The following SLC35F1 variants were observed in gnomAD, a reference collection of about 807,000 sequenced individuals.
SLC35F1 encodes chromosome 6 open reading frame 169.
Under a neutral mutation model 48.7 loss-of-function variants are expected in SLC35F1, and 14 were observed. The observed-to-expected ratio is 0.29, with a 90% CI of 0.19 to 0.45. SLC35F1 has a LOEUF of 0.45. SLC35F1 is among the 20% of genes least tolerant of loss of function. SLC35F1 has a pLI of 1.00. For missense variants in SLC35F1, 404 were observed against 500.0 expected (o/e 0.81, Z 1.83); for synonymous variants, 190 against 202.2 (o/e 0.94, Z 0.51).
intron 1 of SLC35F1, among the ~76,000 whole-genome samples, chr6:118,099,760 G>A (rs1049389853): frequency 2.0e-5 from 3 of 152,132 alleles, no homozygotes; most frequent in African/African-American, 7.2e-5. Context: ...ATCCTGCATT[G>A]GGAGAAAATG....
intron 1 of SLC35F1, among the ~76,000 whole-genome samples, chr6:117,923,259 A>C (rs1247541377): frequency 6.6e-6 from 1 of 152,034 alleles, no homozygotes; most frequent in African/African-American, 2.4e-5. Context: ...ACCTCAGAAT[A>C]AAACTACAGC....
Position 118,226,759 on chromosome 6 carries a change from T to A in SLC35F1, c.350-8750T>A, listed in dbSNP as rs567476572. 5.9e-5 allele frequency among the ~76,000 whole-genome samples: 9 copies of A among 152,232 alleles called. No homozygotes were observed. The South Asian group carries it at 1.9e-3, about 32-fold the overall frequency. On this transcript the variant is annotated intron_variant, in intron 2 of 7. Transcript: ENST00000360388. ...TGAGGTTAATTAATGGGTACAAATA[T>A]ATACTTAAGACCTGTTGTTTGATAG...
At chr6:117,939,777 T>G (rs1776206279) in intron 1 of SLC35F1, among the ~76,000 whole-genome samples, 1 of 152,222 alleles carries the variant, frequency 6.6e-6, no homozygotes, top group Admixed American at 6.5e-5. Flanking sequence ...TTTGTTAAAT[T>G]AGGAGAGTTC....
intron 1 of SLC35F1, among the ~76,000 whole-genome samples, chr6:117,980,462 A>G (rs1776762266): frequency 6.6e-6 from 1 of 152,220 alleles, no homozygotes; most frequent in Non-Finnish European, 1.5e-5. Context: ...AATTCAAAAT[A>G]CATTTCATTG....
At chr6:118,000,970 A>G (rs1015214210) in intron 1 of SLC35F1, among the ~76,000 whole-genome samples, 5 of 152,094 alleles carry the variant, frequency 3.3e-5, no homozygotes, top group African/African-American at 9.7e-5. Flanking sequence ...AAATGGAAGA[A>G]CATTCCATGC....
chr6:118,226,352 G>A (rs1417130396), intron 2 of SLC35F1, among the ~76,000 whole-genome samples: 2 of 152,158 alleles, frequency 1.3e-5, no homozygotes, highest in Non-Finnish European at 2.9e-5. Context: ...CAGCAATTCC[G>A]CTATTGAGTT....
At chr6:118,066,592 T>C (rs976318997) in intron 1 of SLC35F1, among the ~76,000 whole-genome samples, 1 of 152,178 alleles carries the variant, frequency 6.6e-6, no homozygotes, top group South Asian at 2.1e-4. Context: ...CCTGGGCTCT[T>C]GATCCAAGGA....
At chr6:118,244,437 G>A (rs1001853390) in intron 3 of SLC35F1, among the ~76,000 whole-genome samples, 6 of 152,230 alleles carry the variant, frequency 3.9e-5, no homozygotes, top group African/African-American at 1.4e-4. Context: ...GGGCAATTTT[G>A]CAGTCATATT....
intron 1 of SLC35F1, among the ~76,000 whole-genome samples, chr6:117,959,647 G>T (rs761655166): frequency 6.6e-6 from 1 of 152,144 alleles, no homozygotes; most frequent in Admixed American, 6.5e-5. Context: ...CTTTTTGGAT[G>T]AATAATGTGT....
intron 1 of SLC35F1, among the ~76,000 whole-genome samples, chr6:117,975,661 T>A (rs1004904239): frequency 6.6e-6 from 1 of 152,224 alleles, no homozygotes. Flanking sequence ...TAGACGGGAA[T>A]CTACTAACCT....
chr6:117,961,501 A>G (rs1776498075), intron 1 of SLC35F1, among the ~76,000 whole-genome samples: 1 of 152,186 alleles, frequency 6.6e-6, no homozygotes, highest in East Asian at 1.9e-4. Flanking sequence ...CGTCGGGTCT[A>G]GAAGGGAAGT....
At chr6:117,974,319 G>A (rs1210839085) in intron 1 of SLC35F1, among the ~76,000 whole-genome samples, 1 of 152,136 alleles carries the variant, frequency 6.6e-6, no homozygotes, top group Non-Finnish European at 1.5e-5. Flanking sequence ...GACTAGCAAT[G>A]TTCCAAACAT....
At chr6:117,966,490 G>A (rs1478266336) in intron 1 of SLC35F1, among the ~76,000 whole-genome samples, 1 of 152,140 alleles carries the variant, frequency 6.6e-6, no homozygotes, top group South Asian at 2.1e-4. Context: ...AACACTCACT[G>A]TGAAGGTCTG....
chr6:117,941,090 T>C (rs1351186108), intron 1 of SLC35F1, among the ~76,000 whole-genome samples: 1 of 152,236 alleles, frequency 6.6e-6, no homozygotes, highest in Non-Finnish European at 1.5e-5. Flanking sequence ...TCATGGTTTA[T>C]CTCCTTCTTC....
chr6:118,043,275 C>T (rs1456501968), intron 1 of SLC35F1, among the ~76,000 whole-genome samples: 1 of 151,948 alleles, frequency 6.6e-6, no homozygotes, highest in East Asian at 1.9e-4. Flanking sequence ...CTTTTGAGTC[C>T]CCATGCACCA....
At chr6:118,179,186 A>G (rs1301943055) in intron 2 of SLC35F1, among the ~76,000 whole-genome samples, 5 of 152,036 alleles carry the variant, frequency 3.3e-5, no homozygotes, top group African/African-American at 1.2e-4. Context: ...AAGAGACCAT[A>G]TATATATAAA....
chr6:118,018,460 T>A (rs1344772945), intron 1 of SLC35F1, among the ~76,000 whole-genome samples: 1 of 152,186 alleles, frequency 6.6e-6, no homozygotes, highest in Non-Finnish European at 1.5e-5. Context: ...TTTATGTACA[T>A]ATATATTCCT....
chr6:118,278,343 C>T (rs1775943093), intron 6 of SLC35F1, among the ~76,000 whole-genome samples: 1 of 152,218 alleles, frequency 6.6e-6, no homozygotes, highest in Non-Finnish European at 1.5e-5. Context: ...CTTCCCCACA[C>T]TGAAGCTGGC....
At chr6:117,930,783 A>G (rs1582569844) in intron 1 of SLC35F1, among the ~76,000 whole-genome samples, 1 of 152,258 alleles carries the variant, frequency 6.6e-6, no homozygotes, top group Middle Eastern at 3.4e-3. Flanking sequence ...TTCCTGGTGC[A>G]GATTTCTGTT....
Sources: gnomAD v4.1 joint callset for allele counts (sites outside exome capture counted in the v4.1 genomes callset) on GRCh38, gnomAD v4.1.1 for gene constraint, MANE v1.5 for transcripts, NCBI Gene and HGNC (gene_info 2026-07-23, HGNC 2026-07-21) for gene names.